MAPRE2: variants seen among roughly 807,000 people sequenced by gnomAD.
MAPRE2 encodes microtubule associated protein RP/EB family member 2.
In MAPRE2, 13 loss-of-function variants were observed where a neutral mutation model predicts 43.2. That is an observed-to-expected ratio of 0.30 (90% CI 0.20 to 0.48). The LOEUF is 0.48. Ranked by LOEUF, MAPRE2 falls within the 20% of genes least tolerant of loss-of-function variation. The pLI, the probability that MAPRE2 is intolerant of heterozygous loss-of-function variation, is 0.99. For missense variants in MAPRE2, 161 were observed against 400.2 expected, an observed-to-expected ratio of 0.40 and a Z score of 5.10; for synonymous variants, 135 against 148.8, an observed-to-expected ratio of 0.91 and a Z score of 0.68.
At chr18:35,014,839 C>G (rs2097037149) in intron 2 of MAPRE2, among the ~76,000 whole-genome samples, 1 of 152,132 alleles carries the variant, frequency 6.6e-6, no homozygotes, top group Non-Finnish European at 1.5e-5. Flanking sequence ...ACAAATACAT[C>G]TACACTATGC....
intron 1 of MAPRE2, chr18:34,978,617 G>A (rs944374511): frequency 1.6e-6 from 2 of 1,289,706 alleles, no homozygotes; most frequent in South Asian, 1.3e-5. Flanking sequence ...CAAGCAAAAA[G>A]GGGTATGGCT....
intron 1 of MAPRE2, among the ~76,000 whole-genome samples, chr18:34,985,601 TATG>T (rs1173026822): frequency 5.3e-5 from 5 of 94,420 alleles, no homozygotes; most frequent in African/African-American, 8.8e-5. Flanking sequence ...ATATATAACA[TATG>T]ATATATTATA....
At chr18:35,062,285 G>A (rs1829848288) in intron 1 of MAPRE2, among the ~76,000 whole-genome samples, 1 of 152,214 alleles carries the variant, frequency 6.6e-6, no homozygotes, top group Admixed American at 6.5e-5. Context: ...TATTTAATCT[G>A]TGGGCATGAA....
chr18:35,085,071 A>G (rs1283081256), intron 2 of MAPRE2, among the ~76,000 whole-genome samples: 1 of 152,238 alleles, frequency 6.6e-6, no homozygotes, highest in Non-Finnish European at 1.5e-5. Flanking sequence ...GATTAGAATG[A>G]TACAGTTGAA....
At chr18:35,112,497 T>C (rs1909222813) in intron 4 of MAPRE2, among the ~76,000 whole-genome samples, 1 of 152,104 alleles carries the variant, frequency 6.6e-6, no homozygotes, top group Non-Finnish European at 1.5e-5. Flanking sequence ...ACCCAACCCC[T>C]ACCCCATATT....
chr18:35,060,261 T>A (rs1454275374), intron 1 of MAPRE2, among the ~76,000 whole-genome samples: 1 of 151,770 alleles, frequency 6.6e-6, no homozygotes, highest in Non-Finnish European at 1.5e-5. Flanking sequence ...AGGCATATGG[T>A]CAAGAAGGAG....
chr18:35,067,722 A>AAGTT (rs1906904748), intron 1 of MAPRE2, among the ~76,000 whole-genome samples: 1 of 152,204 alleles, frequency 6.6e-6, no homozygotes, highest in African/African-American at 2.4e-5. Flanking sequence ...CCGCTAGAAA[A>AAGTT]GCCCATCAGC....
chr18:35,079,434 A>C (rs905062001), intron 2 of MAPRE2, among the ~76,000 whole-genome samples: 5 of 152,236 alleles, frequency 3.3e-5, no homozygotes, highest in African/African-American at 9.6e-5. Context: ...TAATATGAAA[A>C]GTTGATGGTT....
intron 1 of MAPRE2, among the ~76,000 whole-genome samples, chr18:35,051,672 G>A (rs1202206958): frequency 2.0e-5 from 3 of 152,200 alleles, no homozygotes; most frequent in Admixed American, 6.5e-5. Context: ...GTGAGGTATA[G>A]TGGGCAAAGC....
intron 1 of MAPRE2, among the ~76,000 whole-genome samples, chr18:35,043,311 T>A (rs1281277274): frequency 6.6e-6 from 1 of 152,244 alleles, no homozygotes; most frequent in African/African-American, 2.4e-5. Flanking sequence ...AGCCTTCATT[T>A]TCTAAATGAT....
chr18:35,125,035 T>G (rs1464898676), intron 4 of MAPRE2, among the ~76,000 whole-genome samples: 1 of 152,196 alleles, frequency 6.6e-6, no homozygotes, highest in African/African-American at 2.4e-5. Context: ...ATTCAAACTA[T>G]TTTAAGTCTT....
intron 4 of MAPRE2, among the ~76,000 whole-genome samples, chr18:35,122,167 C>A (rs1008846361): frequency 2.0e-5 from 3 of 152,144 alleles, no homozygotes; most frequent in African/African-American, 7.2e-5. Flanking sequence ...CAAAAGGTTT[C>A]ATTTTTATTT....
Position 35,132,085 on chromosome 18 carries a change from C to T in MAPRE2, c.804C>T (p.Tyr268=). Residue 268 remains tyrosine, a synonymous_variant, in exon 6 of 7, where the codon TAC becomes TAT. Transcript: ENST00000300249. Reference sequence around the variant, plus strand: ...GCGTGGAAAAGGAAAGGGATTTCTACTTTGGGAAGTTGAGAGAGATCGAGC... The same window carrying T: ...GCGTGGAAAAGGAAAGGGATTTCTATTTTGGGAAGTTGAGAGAGATCGAGC... ...LEGVEKERDF[Y]FGKLREIELL... is the part of the protein sequence containing the mutation. 2 of 1,614,158 alleles carry T rather than the reference C, an allele frequency of 1.2e-6. No individual in the cohort carries two copies. Among genetic ancestry groups the T allele is most frequent in the Non-Finnish European group, 1.7e-6 (2 of 1,180,010 alleles).
intron 2 of MAPRE2, among the ~76,000 whole-genome samples, chr18:35,083,936 T>C (rs1435209042): frequency 1.3e-5 from 2 of 152,050 alleles, no homozygotes; most frequent in African/African-American, 4.8e-5. Flanking sequence ...AAATACTCTT[T>C]ATTCTTCCAT....
intron 1 of MAPRE2, among the ~76,000 whole-genome samples, chr18:34,987,819 T>G (rs1196476642): frequency 6.6e-6 from 1 of 152,076 alleles, no homozygotes; most frequent in African/African-American, 2.4e-5. Context: ...ATTTTTGTAT[T>G]TTTTGTAGAG....
rs771921081 is a variant in MAPRE2, at chr18:35,132,130, G to T, written c.849G>T (p.Gly283=). Residue 283 remains glycine, a synonymous_variant, in exon 6 of 7, where the codon GGG becomes GGT. Transcript: ENST00000300249. ...TCGAGCTACTCTGCCAAGAACACGGGCAGGAAAATGATGACCTCGTGCAGA... is the reference window on the plus strand; with the variant it reads ...TCGAGCTACTCTGCCAAGAACACGGTCAGGAAAATGATGACCTCGTGCAGA... ...REIELLCQEH[G]QENDDLVQRL... is the part of the protein sequence containing the mutation. 1.9e-6 allele frequency: 3 copies of T among 1,614,076 alleles called. No homozygotes were observed. Among genetic ancestry groups the T allele is most frequent in the Non-Finnish European group, 2.5e-6 (3 of 1,180,026 alleles).
intron 4 of MAPRE2, among the ~76,000 whole-genome samples, chr18:35,116,498 G>A (rs1421418453): frequency 6.6e-6 from 1 of 152,212 alleles, no homozygotes; most frequent in African/African-American, 2.4e-5. Flanking sequence ...ATCCACTGGG[G>A]TGGTGGTCTC....
chr18:35,104,640 T>C (rs1285560721), intron 4 of MAPRE2, among the ~76,000 whole-genome samples: 1 of 152,084 alleles, frequency 6.6e-6, no homozygotes, highest in Non-Finnish European at 1.5e-5. Flanking sequence ...TTTATTTTCT[T>C]GGAGCCAAAG....
At chr18:35,020,405 A>T (rs1304228229) in intron 2 of MAPRE2, among the ~76,000 whole-genome samples, 1 of 151,878 alleles carries the variant, frequency 6.6e-6, no homozygotes, top group Non-Finnish European at 1.5e-5. Context: ...CTTTAACTTT[A>T]TTTTCGCCCT....
Sources: gnomAD v4.1 joint callset for allele counts (sites outside exome capture counted in the v4.1 genomes callset) on GRCh38, gnomAD v4.1.1 for gene constraint, MANE v1.5 for transcripts, NCBI Gene and HGNC (gene_info 2026-07-23, HGNC 2026-07-21) for gene names.